VPS8: variants seen among roughly 807,000 people sequenced by gnomAD.
VPS8 encodes the protein vacuolar protein sorting-associated protein 8 homolog.
VPS8 carries 129 observed loss-of-function variants against 216.4 expected under a neutral mutation model. The ratio of observed to expected loss-of-function variants is 0.60; its 90% CI spans 0.52 to 0.69. VPS8 has a LOEUF of 0.69. Ranked by LOEUF, VPS8 falls within the 30% of genes least tolerant of loss-of-function variation. The probability of loss-of-function intolerance (pLI) is 0.00; values close to 1 mark genes in which losing one functional copy is unlikely to be tolerated. For synonymous variants in VPS8, 571 were observed against 565.4 expected, an observed-to-expected ratio of 1.01 and a Z score of -0.14; for missense variants, 1,531 against 1,683.5, an observed-to-expected ratio of 0.91 and a Z score of 1.59.
At chr3:184,892,348 C>G (rs1047559152) in intron 22 of VPS8, among the ~76,000 whole-genome samples, 1 of 152,114 alleles carries the variant, frequency 6.6e-6, no homozygotes, top group African/African-American at 2.4e-5. Flanking sequence ...TCCTGAGTAG[C>G]CAGGATTACA....
chr3:184,921,929 G>A (rs1738700731), intron 29 of VPS8, among the ~76,000 whole-genome samples: 1 of 152,096 alleles, frequency 6.6e-6, no homozygotes, highest in Non-Finnish European at 1.5e-5. Context: ...AATAGTTTCT[G>A]CCATACCCGT....
chr3:185,034,974 A>G (rs1312853926), intron 46 of VPS8, among the ~76,000 whole-genome samples: 1 of 152,182 alleles, frequency 6.6e-6, no homozygotes, highest in African/African-American at 2.4e-5. Flanking sequence ...ACAACTCTAT[A>G]CACACAAATT....
chr3:184,937,017 G>A (rs1001482572), intron 35 of VPS8, among the ~76,000 whole-genome samples: 12 of 152,110 alleles, frequency 7.9e-5, no homozygotes, highest in Admixed American at 4.6e-4. Context: ...GATTACAGGC[G>A]TGAGCCACCA....
At position 184,894,600 on chromosome 3, in the gene VPS8, G is replaced by C. The variant is rs1318144052; in HGVS notation, c.1782-103G>C. The C allele has an allele frequency of 2.7e-5, 24 of 879,650 alleles. No homozygotes were observed. In the East Asian group the frequency reaches 6.5e-4, roughly 24 times the overall value. 54.5% of individuals were successfully genotyped at this position (879,650 alleles called of 1,614,324 possible). A position where few individuals can be genotyped will look rare whatever the true frequency, so the allele number is the denominator to read the frequency against. On this transcript the variant is annotated intron_variant, in intron 22 of 47. Coordinates refer to ENST00000625842, the MANE Select transcript of VPS8 (RefSeq NM_001009921.3). Reference sequence around the variant, plus strand: ...TTATTGCCATTTTAAATAAACTCATGAGTAAGTTGAAGTAGGGAAAAGATG... The same window carrying C: ...TTATTGCCATTTTAAATAAACTCATCAGTAAGTTGAAGTAGGGAAAAGATG...
At chr3:184,893,639 G>GCTTTTTGAAGATAATTTCATAGCA (rs1732795512) in intron 22 of VPS8, among the ~76,000 whole-genome samples, 1 of 152,156 alleles carries the variant, frequency 6.6e-6, no homozygotes, top group Non-Finnish European at 1.5e-5. Context: ...ATGCTGTGAT[G>GCTTTTTGAAGATAATTTCATAGCA]CTTTTTGAAG....
intron 22 of VPS8, chr3:184,893,252 A>T: frequency 7.8e-7 from 1 of 1,285,328 alleles, no homozygotes; most frequent in Non-Finnish European, 1.0e-6. Flanking sequence ...ATGAGTCAAA[A>T]CCCCATCCTA....
chr3:184,886,459 G>GTA (rs34820398), intron 22 of VPS8, among the ~76,000 whole-genome samples: 34,528 of 149,664 alleles, frequency 0.23, 4,683 homozygotes, highest in East Asian at 0.6. Flanking sequence ...TTCATTATAT[G>GTA]TATATATATA....
intron 37 of VPS8, among the ~76,000 whole-genome samples, chr3:184,959,946 G>A (rs1042053920): frequency 4.0e-5 from 6 of 151,742 alleles, no homozygotes; most frequent in Non-Finnish European, 7.4e-5. Flanking sequence ...CCATCAACTC[G>A]TCATTTACAT....
chr3:185,046,645 C>G (rs1028553789), intron 46 of VPS8, among the ~76,000 whole-genome samples: 8 of 152,156 alleles, frequency 5.3e-5, no homozygotes, highest in Non-Finnish European at 1.2e-4. Context: ...AACACAATCG[C>G]AGTAATTACT....
At chr3:184,883,260 G>A (rs1157423267) in intron 21 of VPS8, among the ~76,000 whole-genome samples, 4 of 152,036 alleles carry the variant, frequency 2.6e-5, no homozygotes, top group African/African-American at 9.7e-5. Flanking sequence ...TCACTCTATT[G>A]TCCTTGGACA....
chr3:184,842,856 C>T (rs1403630903), intron 7 of VPS8, among the ~76,000 whole-genome samples: 1 of 151,820 alleles, frequency 6.6e-6, no homozygotes, highest in Non-Finnish European at 1.5e-5. Flanking sequence ...TTGGTACTTA[C>T]CTTATACAGA....
chr3:184,995,808 C>A (rs1752538762), intron 43 of VPS8, among the ~76,000 whole-genome samples: 1 of 152,128 alleles, frequency 6.6e-6, no homozygotes. Flanking sequence ...AAGTGCTGAT[C>A]AGGAAAATGT....
intron 3 of VPS8, among the ~76,000 whole-genome samples, chr3:184,827,352 T>C (rs957484392): frequency 5.9e-5 from 9 of 152,254 alleles, no homozygotes; most frequent in Admixed American, 2.6e-4. Context: ...TGTTCTAACT[T>C]CAGAAGTGTC....
chr3:184,878,656 T>C (rs1729716400), intron 21 of VPS8, among the ~76,000 whole-genome samples: 1 of 152,262 alleles, frequency 6.6e-6, no homozygotes, highest in East Asian at 1.9e-4. Context: ...GAAAAGAGTG[T>C]TGATGTCTAG....
rs1736966122 is a variant in VPS8, at chr3:184,913,579, A to C, written c.2189+18A>C. On this transcript the variant is annotated intron_variant, in intron 26 of 47. Coordinates refer to ENST00000625842, the MANE Select transcript of VPS8 (RefSeq NM_001009921.3). ...TATATTAGGTAAGATTGTTTTATTT[A>C]TTCATCTGCATGTATGTTCTTTCTA... The C allele has an allele frequency of 6.5e-7, 1 of 1,541,712 alleles. No individual in the cohort carries two copies. Among genetic ancestry groups the C allele is most frequent in the African/African-American group, 1.4e-5 (1 of 71,998 alleles).
At chr3:184,939,012 A>G (rs1325246461) in intron 35 of VPS8, among the ~76,000 whole-genome samples, 2 of 148,432 alleles carry the variant, frequency 1.3e-5, no homozygotes, top group Non-Finnish European at 3.0e-5. Flanking sequence ...CCTGGGTGAC[A>G]GAGTGAGACC....
intron 42 of VPS8, among the ~76,000 whole-genome samples, chr3:184,991,501 C>G (rs181899574): frequency 6.6e-6 from 1 of 152,172 alleles, no homozygotes; most frequent in African/African-American, 2.4e-5. Flanking sequence ...GTGAGATGTA[C>G]TGATACAAAT....
At chr3:184,988,668 C>G (rs766164845) in intron 42 of VPS8, among the ~76,000 whole-genome samples, 1 of 152,112 alleles carries the variant, frequency 6.6e-6, no homozygotes, top group Non-Finnish European at 1.5e-5. Context: ...ACTTCAGAAA[C>G]GGTTTGTTGA....
chr3:184,855,154 T>C (rs1038108146), intron 13 of VPS8, among the ~76,000 whole-genome samples: 5 of 152,226 alleles, frequency 3.3e-5, no homozygotes, highest in Non-Finnish European at 7.3e-5. Flanking sequence ...TGTATGTTTT[T>C]ATTGTTTTTT....
Sources: gnomAD v4.1 joint callset for allele counts (sites outside exome capture counted in the v4.1 genomes callset) on GRCh38, gnomAD v4.1.1 for gene constraint, MANE v1.5 for transcripts, NCBI Gene and HGNC (gene_info 2026-07-23, HGNC 2026-07-21) for gene names.